Variants in STRBP observed in about 807,000 individuals in gnomAD.
The protein encoded by STRBP is spermatid perinuclear RNA-binding protein.
A neutral mutation model predicts 80.1 loss-of-function variants in STRBP; 13 were observed. The observed-to-expected ratio is 0.16, with a 90% CI of 0.11 to 0.26. STRBP has a LOEUF of 0.26. Among genes scored for constraint, STRBP ranks in the 10% least tolerant of loss-of-function variants. STRBP has a pLI of 1.00. For synonymous variants in STRBP, 284 were observed against 291.2 expected (o/e 0.98, Z 0.25); for missense variants, 485 against 815.2 (o/e 0.59, Z 4.93).
In STRBP at chr9:123,161,079, A is replaced by T. The variant is rs779873839; in HGVS notation, c.536-11T>A. On this transcript the variant is annotated splice_polypyrimidine_tract_variant and intron_variant, in intron 6 of 18. Coordinates refer to ENST00000348403, the MANE Select transcript of STRBP (RefSeq NM_018387.5). The stretch of plus-strand genomic sequence containing the variant: ...TCATCGAAACATTTTCTAACAGTAA[A>T]ATGGGATAAAGAGAGACAAATACAA... 1 of 1,583,460 alleles carries T rather than the reference A, an allele frequency of 6.3e-7. No homozygotes were observed. The highest frequency in any genetic ancestry group is 2.3e-5 in the East Asian group (1 of 43,626).
At chr9:123,208,045 T>C (rs1030497568) in intron 2 of STRBP, among the ~76,000 whole-genome samples, 3 of 152,094 alleles carry the variant, frequency 2.0e-5, no homozygotes, top group Admixed American at 6.5e-5. Flanking sequence ...GCAAAATAAG[T>C]ATTCAATGTA....
chr9:123,165,712 C>CCTAGACAA (rs2037727428), intron 6 of STRBP, among the ~76,000 whole-genome samples: 1 of 152,084 alleles, frequency 6.6e-6, no homozygotes, highest in Non-Finnish European at 1.5e-5. Flanking sequence ...CCAGATCAGC[C>CCTAGACAA]TAACCACTCA....
At chr9:123,251,515 G>A (rs1421981620) in intron 1 of STRBP, among the ~76,000 whole-genome samples, 5 of 152,088 alleles carry the variant, frequency 3.3e-5, no homozygotes, top group South Asian at 2.1e-4. Flanking sequence ...TCATAATACC[G>A]GATTGGAAAT....
intron 2 of STRBP, among the ~76,000 whole-genome samples, chr9:123,213,019 A>G (rs1482393677): frequency 1.3e-5 from 2 of 152,232 alleles, no homozygotes; most frequent in Admixed American, 1.3e-4. Flanking sequence ...CCAGGGCTAT[A>G]GTGTTGAAAT....
intron 16 of STRBP, among the ~76,000 whole-genome samples, chr9:123,134,745 G>C (rs763371691): frequency 6.6e-6 from 1 of 151,972 alleles, no homozygotes; most frequent in Non-Finnish European, 1.5e-5. Context: ...TTTGCACATG[G>C]GCTTTTTAAA....
At chr9:123,195,643 A>G (rs1295235343) in intron 2 of STRBP, among the ~76,000 whole-genome samples, 1 of 152,204 alleles carries the variant, frequency 6.6e-6, no homozygotes, top group East Asian at 1.9e-4. Flanking sequence ...TAGCCAAAGA[A>G]GTGAAAGATC....
At chr9:123,147,733 A>G in intron 12 of STRBP, 45 bp downstream of exon 12, 1 of 1,460,790 alleles carries the variant, frequency 6.8e-7, no homozygotes. Context: ...CTGAAGCTAC[A>G]AGTCCTCTCT....
chr9:123,167,155 CAAGTT>C (rs1463846372), intron 6 of STRBP, among the ~76,000 whole-genome samples: 1 of 151,338 alleles, frequency 6.6e-6, no homozygotes, highest in Non-Finnish European at 1.5e-5. Context: ...AAATATGTGG[CAAGTT>C]AAGACAGAAA....
At chr9:123,207,111 G>A (rs907082907) in intron 2 of STRBP, among the ~76,000 whole-genome samples, 1 of 152,058 alleles carries the variant, frequency 6.6e-6, no homozygotes, top group East Asian at 1.9e-4. Flanking sequence ...AAAACAGCTC[G>A]AGGAGCAATT....
intron 2 of STRBP, among the ~76,000 whole-genome samples, chr9:123,196,615 C>T (rs562045669): frequency 6.6e-6 from 1 of 152,152 alleles, no homozygotes; most frequent in Admixed American, 6.5e-5. Flanking sequence ...ATACTAATGG[C>T]AAACAGGTGT....
At chr9:123,258,879 G>A (rs2041097505) in intron 1 of STRBP, among the ~76,000 whole-genome samples, 1 of 151,678 alleles carries the variant, frequency 6.6e-6, no homozygotes, top group Non-Finnish European at 1.5e-5. Flanking sequence ...AGTAAGAGAT[G>A]ATGAGGTCAG....
chr9:123,156,663 AAG>A (rs1434112479), intron 11 of STRBP, among the ~76,000 whole-genome samples: 4 of 151,676 alleles, frequency 2.6e-5, no homozygotes, highest in Non-Finnish European at 5.9e-5. Flanking sequence ...TTAGGAAAGA[AAG>A]AGAGAAAAAG....
intron 1 of STRBP, among the ~76,000 whole-genome samples, chr9:123,251,758 G>T (rs2040922337): frequency 6.6e-6 from 1 of 152,190 alleles, no homozygotes; most frequent in African/African-American, 2.4e-5. Flanking sequence ...GGGAAGTAAT[G>T]AGTAAAATTA....
intron 1 of STRBP, among the ~76,000 whole-genome samples, chr9:123,246,446 T>C (rs368044245): frequency 9.2e-5 from 14 of 152,330 alleles, no homozygotes; most frequent in African/African-American, 3.1e-4. Context: ...CACATTTCCT[T>C]TGCCTTTAAC....
chr9:123,120,043 G>C (rs2035704858), downstream of STRBP, among the ~76,000 whole-genome samples: 1 of 152,136 alleles, frequency 6.6e-6, no homozygotes, highest in African/African-American at 2.4e-5. Flanking sequence ...TGGAATTCTT[G>C]ACTTAAAACA....
At chr9:123,200,529 T>C (rs1429057515) in intron 2 of STRBP, among the ~76,000 whole-genome samples, 1 of 151,642 alleles carries the variant, frequency 6.6e-6, no homozygotes, top group Non-Finnish European at 1.5e-5. Context: ...CAGCTGTGAA[T>C]TCATCTGATC....
intron 2 of STRBP, among the ~76,000 whole-genome samples, chr9:123,219,361 TCA>T (rs1349114667): frequency 6.6e-6 from 1 of 152,186 alleles, no homozygotes. Context: ...TCAGACCAAG[TCA>T]CACCTCCTTC....
intron 3 of STRBP, among the ~76,000 whole-genome samples, chr9:123,183,672 C>T (rs2038583105): frequency 1.3e-5 from 2 of 152,134 alleles, no homozygotes; most frequent in Admixed American, 6.5e-5. Flanking sequence ...ATACTCAGCA[C>T]TTGACCCTAT....
rs2035766827 is a variant in STRBP at position 123,122,588 on chromosome 9, C to T, written c.*3009G>A. ...TCACCACCCATGCACTTCATCTAGTCAGCATGAGGTATGTTGGAAATCTAC... is the reference window on the plus strand; with the variant it reads ...TCACCACCCATGCACTTCATCTAGTTAGCATGAGGTATGTTGGAAATCTAC... On this transcript the variant is annotated 3_prime_UTR_variant, in exon 19 of 19. Transcript: ENST00000348403. 2 of 1,102,276 alleles carry T rather than the reference C, an allele frequency of 1.8e-6. No individual in the cohort carries two copies. The highest frequency in any genetic ancestry group is 2.2e-6 in the Non-Finnish European group (2 of 899,446). 68.3% of individuals were successfully genotyped at this position (1,102,276 alleles called of 1,614,324 possible). A position where few individuals can be genotyped will look rare whatever the true frequency, so the allele number is the denominator to read the frequency against.
Sources: allele counts gnomAD v4.1 joint callset (sites outside exome capture counted in the v4.1 genomes callset), GRCh38; gene constraint gnomAD v4.1.1; transcripts MANE v1.5; gene names NCBI Gene and HGNC (gene_info 2026-07-23, HGNC 2026-07-21).